The following TXNDC16 variants were observed in gnomAD, a reference collection of about 807,000 sequenced individuals.
TXNDC16 encodes the protein thioredoxin domain-containing protein 16.
TXNDC16 carries 74 observed loss-of-function variants against 85.6 expected under a neutral mutation model. The ratio of observed to expected loss-of-function variants is 0.86; its 90% CI spans 0.72 to 1.05. The LOEUF is 1.05. TXNDC16 is among the 50% of genes least tolerant of loss of function. The pLI is 0.00. For missense variants in TXNDC16, 959 were observed against 947.0 expected (o/e 1.01, Z -0.17); for synonymous variants, 335 against 326.5 (o/e 1.03, Z -0.28).
At position 52,432,282 on chromosome 14, in the gene TXNDC16, T is replaced by C; in HGVS notation, c.*22A>G. 1.3e-6 allele frequency: 2 copies of C among 1,549,928 alleles called. No individual in the cohort carries two copies. Among genetic ancestry groups the C allele is most frequent in the Non-Finnish European group, 1.7e-6 (2 of 1,153,406 alleles). On this transcript the variant is annotated 3_prime_UTR_variant, in exon 21 of 21. Transcript: ENST00000281741. The stretch of plus-strand genomic sequence containing the variant: ...TAAGTCTATCATGCCAAAAAAATTT[T>C]GGAAACCACAGCCCTATAAAATTAG...
At chr14:52,488,773 G>A (rs1401649026) in intron 11 of TXNDC16, among the ~76,000 whole-genome samples, 2 of 144,498 alleles carry the variant, frequency 1.4e-5, no homozygotes, top group Admixed American at 7.2e-5. Context: ...GGCAGAGGTT[G>A]CAGTGAGGCA....
intron 9 of TXNDC16, among the ~76,000 whole-genome samples, chr14:52,508,233 AC>A (rs2036862955): frequency 6.6e-6 from 1 of 152,080 alleles, no homozygotes; most frequent in African/African-American, 2.4e-5. Context: ...AAAACAAACA[AC>A]CCCATCAACA....
At chr14:52,456,757 C>CGG in intron 17 of TXNDC16, among the ~76,000 whole-genome samples, 1 of 152,050 alleles carries the variant, frequency 6.6e-6, no homozygotes, top group Non-Finnish European at 1.5e-5. Context: ...TAAATAAAAC[C>CGG]TCAGATGCTC....
At chr14:52,500,805 T>C (rs1041371317) in intron 9 of TXNDC16, among the ~76,000 whole-genome samples, 1 of 152,162 alleles carries the variant, frequency 6.6e-6, no homozygotes, top group Non-Finnish European at 1.5e-5. Context: ...GACAGCTAGA[T>C]GAACAAACAA....
chr14:52,435,882 G>C (rs2035015326), intron 20 of TXNDC16, among the ~76,000 whole-genome samples: 1 of 152,112 alleles, frequency 6.6e-6, no homozygotes, highest in Admixed American at 6.5e-5. Context: ...GGAAGGCTGA[G>C]GTAGGAGAAT....
At chr14:52,545,439 G>C (rs1387136975) in intron 1 of TXNDC16, among the ~76,000 whole-genome samples, 6 of 152,174 alleles carry the variant, frequency 3.9e-5, no homozygotes, top group African/African-American at 1.4e-4. Flanking sequence ...TCTATGGTAA[G>C]ATTTGATTAT....
At chr14:52,486,279 T>A (rs1412614411) in intron 12 of TXNDC16, among the ~76,000 whole-genome samples, 2 of 143,072 alleles carry the variant, frequency 1.4e-5, no homozygotes, top group Non-Finnish European at 3.0e-5. Context: ...TCACACATGC[T>A]GCTTTTTTTT....
chr14:52,505,033 T>A (rs1002698119), intron 9 of TXNDC16, among the ~76,000 whole-genome samples: 1 of 152,220 alleles, frequency 6.6e-6, no homozygotes, highest in Admixed American at 6.5e-5. Context: ...ATCGTAAATA[T>A]ATATGCGCCC....
In TXNDC16 at chr14:52,435,813, GACAAAA is replaced by G. The variant is rs1191097392; in HGVS notation, c.2195-3232_2195-3227del. Among the ~76,000 whole-genome samples, 332 of 151,390 alleles carry G rather than the reference GACAAAA, an allele frequency of 2.2e-3. 1 individual carries two copies. Among genetic ancestry groups the G allele is most frequent in the African/African-American group, 7.4e-3 (307 of 41,310 alleles). On this transcript the variant is annotated intron_variant, in intron 20 of 20. Coordinates refer to ENST00000281741, the MANE Select transcript of TXNDC16 (RefSeq NM_020784.3). ...CTGTCTCTACAAAAACAAAAACAAAGACAAAAACAAAAAAATGAAGCCAGGCTTGGT... is the reference window on the plus strand; with the variant it reads ...CTGTCTCTACAAAAACAAAAACAAAGACAAAAAAATGAAGCCAGGCTTGGT...
chr14:52,469,314 T>G (rs2035848366), intron 16 of TXNDC16, among the ~76,000 whole-genome samples: 1 of 150,334 alleles, frequency 6.7e-6, no homozygotes, highest in Non-Finnish European at 1.5e-5. Flanking sequence ...GCCATTGCAC[T>G]CCAGCCTAGG....
At chr14:52,551,746 C>G (rs1456447530) in intron 1 of TXNDC16, among the ~76,000 whole-genome samples, 1 of 151,866 alleles carries the variant, frequency 6.6e-6, no homozygotes, top group East Asian at 1.9e-4. Context: ...AGTAACACAG[C>G]ATGTATTTTC....
chr14:52,450,243 A>C (rs938536995), intron 18 of TXNDC16, among the ~76,000 whole-genome samples: 11 of 152,064 alleles, frequency 7.2e-5, no homozygotes, highest in Admixed American at 7.2e-4. Flanking sequence ...GAGATGAAAA[A>C]GGAGACATTA....
intron 8 of TXNDC16, among the ~76,000 whole-genome samples, chr14:52,511,628 G>C (rs1432220980): frequency 6.6e-6 from 1 of 151,018 alleles, no homozygotes. Flanking sequence ...ATTTTTTTTT[G>C]CTTACCTCTT....
intron 9 of TXNDC16, among the ~76,000 whole-genome samples, chr14:52,502,487 A>T (rs2036682517): frequency 6.6e-6 from 1 of 152,212 alleles, no homozygotes; most frequent in Non-Finnish European, 1.5e-5. Context: ...TGATGCCCTT[A>T]ATTTTTTGCC....
At chr14:52,434,874 G>T (rs1364735084) in intron 20 of TXNDC16, among the ~76,000 whole-genome samples, 1 of 152,192 alleles carries the variant, frequency 6.6e-6, no homozygotes, top group Admixed American at 6.5e-5. Context: ...GCATAGAAAT[G>T]ATGGAAACCC....
At chr14:52,501,121 G>C (rs1419274515) in intron 9 of TXNDC16, among the ~76,000 whole-genome samples, 1 of 152,050 alleles carries the variant, frequency 6.6e-6, no homozygotes, top group South Asian at 2.1e-4. Context: ...ACCTATTTAA[G>C]ATTGAAATTC....
At chr14:52,502,196 C>A (rs932189087) in intron 9 of TXNDC16, among the ~76,000 whole-genome samples, 2 of 152,220 alleles carry the variant, frequency 1.3e-5, no homozygotes, top group Non-Finnish European at 2.9e-5. Flanking sequence ...ATTTCAGTGT[C>A]TACCGGGGCT....
rs1221714909 is a variant in TXNDC16 at position 52,506,604 on chromosome 14, C to T, written c.756+4636G>A. On this transcript the variant is annotated intron_variant, in intron 9 of 20. Transcript: ENST00000281741. ...TCGCTCTGTCGCCCAGGCCAGACTG[C>T]GGACTGCAGTGGCGCAATCTCGGCT... 7.9e-5 allele frequency among the ~76,000 whole-genome samples: 10 copies of T among 126,410 alleles called. 1 individual carries two copies. Among genetic ancestry groups the T allele is most frequent in the African/African-American group, 6.2e-5 (2 of 32,044 alleles). 82.9% of individuals were successfully genotyped at this position (126,410 alleles called of 152,430 possible).
At chr14:52,445,995 G>A (rs558324873) in intron 18 of TXNDC16, among the ~76,000 whole-genome samples, 1 of 152,316 alleles carries the variant, frequency 6.6e-6, no homozygotes, top group South Asian at 2.1e-4. Flanking sequence ...ATAGGAGAGT[G>A]AAGCAAGATG....
Sources: allele counts gnomAD v4.1 joint callset (sites outside exome capture counted in the v4.1 genomes callset), GRCh38; gene constraint gnomAD v4.1.1; transcripts MANE v1.5; gene names NCBI Gene and HGNC (gene_info 2026-07-23, HGNC 2026-07-21).